Variants in TBC1D31 observed in about 807,000 individuals in gnomAD.
TBC1D31 encodes the protein WD repeat domain 67.
In TBC1D31, 99 loss-of-function variants were observed where a neutral mutation model predicts 132.9. That is an observed-to-expected ratio of 0.74 (90% CI 0.63 to 0.88). The LOEUF is 0.88. TBC1D31 is among the 40% of genes least tolerant of loss of function. The probability of loss-of-function intolerance (pLI) is 0.00; values close to 1 mark genes in which losing one functional copy is unlikely to be tolerated. For synonymous variants in TBC1D31, 385 were observed against 419.4 expected, an observed-to-expected ratio of 0.92 and a Z score of 1.00; for missense variants, 1,134 against 1,256.6, an observed-to-expected ratio of 0.90 and a Z score of 1.48.
Position 123,141,819 on chromosome 8 carries a change from G to A in TBC1D31, c.2641-443G>A, listed in dbSNP as rs181486171. 2.0e-3 allele frequency among the ~76,000 whole-genome samples: 204 copies of A among 103,882 alleles called. 1 individual carries two copies. The highest frequency in any genetic ancestry group is 7.1e-3 in the African/African-American group (199 of 27,904). The allele number at this position is 103,882 out of a possible 152,430, so 68.2% of individuals were successfully genotyped here. A position where few individuals can be genotyped will look rare whatever the true frequency, so the allele number is the denominator to read the frequency against. On this transcript the variant is annotated intron_variant, in intron 18 of 21. Transcript: ENST00000287380. ...AGCCGATAAGTTCTTAACCTTGGCT[G>A]TAAATTAGAGTCACTTGAAGAGCTC...
chr8:123,114,258 T>C (rs879405933), intron 10 of TBC1D31, among the ~76,000 whole-genome samples: 1 of 152,164 alleles, frequency 6.6e-6, no homozygotes, highest in Non-Finnish European at 1.5e-5. Context: ...TCTAGTTTTA[T>C]ATATGTTTGG....
At position 123,082,783 on chromosome 8, in the gene TBC1D31, A is replaced by G. The variant is rs1290428832; in HGVS notation, c.306A>G (p.Ala102=). 1 of 1,612,872 alleles carries G rather than the reference A, an allele frequency of 6.2e-7. No individual in the cohort carries two copies. The highest frequency in any genetic ancestry group is 1.3e-5 in the African/African-American group (1 of 74,942). The change falls in exon 3 of 22, where the codon GCA becomes GCG. Residue 102 remains alanine, a synonymous_variant. Coordinates refer to ENST00000287380, the MANE Select transcript of TBC1D31 (RefSeq NM_145647.4). The part of the protein sequence containing the change: ...NLRRKSEFLV[A]LADYSIKCFD... ...GTAGGAAATCTGAATTCCTTGTGGC[A>G]TTAGCTGATTATTCTATTAAATGTT...
intron 19 of TBC1D31, among the ~76,000 whole-genome samples, chr8:123,144,017 T>G (rs1389918536): frequency 6.6e-6 from 1 of 152,164 alleles, no homozygotes; most frequent in African/African-American, 2.4e-5. Context: ...CCCTCATCAG[T>G]AACATGAAAG....
chr8:123,080,886 T>C (rs1274823168), intron 2 of TBC1D31, among the ~76,000 whole-genome samples: 2 of 152,086 alleles, frequency 1.3e-5, no homozygotes, highest in African/African-American at 4.8e-5. Flanking sequence ...CTCAAAGTAA[T>C]CCTTATGCCA....
At chr8:123,157,384 G>A in the TBC1D31 span, among the ~76,000 whole-genome samples, 1 of 152,128 alleles carries the variant, frequency 6.6e-6, no homozygotes, top group South Asian at 2.1e-4. Flanking sequence ...TTTTACTGCT[G>A]CTGTAAATCC....
chr8:123,145,754 A>C (rs1159508325), intron 20 of TBC1D31, among the ~76,000 whole-genome samples: 1 of 151,724 alleles, frequency 6.6e-6, no homozygotes, highest in East Asian at 1.9e-4. Context: ...CTTTTATTTT[A>C]CTGTGTTTTA....
chr8:123,158,147 T>C, the TBC1D31 span, among the ~76,000 whole-genome samples: 1 of 151,670 alleles, frequency 6.6e-6, no homozygotes, highest in East Asian at 1.9e-4. Flanking sequence ...CTCCCAGCCC[T>C]TTATATAAGC....
In TBC1D31 at chr8:123,128,296, C is replaced by T. The variant is rs765740220; in HGVS notation, c.1900C>T (p.Arg634Trp). The change falls in exon 14 of 22, where the codon CGG becomes TGG. Residue 634 changes from arginine to tryptophan, a missense_variant. Arg to Trp is a moderately radical substitution (Grantham distance 101). Transcript: ENST00000287380. ...KDDFEFFFHH[R>W]NNLDINVVIR... ...TTTCTTACAGTTTTTTTTTCACCAT[C>T]GGAATAACCTGGATATAAATGTTGT... 77 of 1,585,424 alleles carry T rather than the reference C, an allele frequency of 4.9e-5. No individual in the cohort carries two copies. The highest frequency in any genetic ancestry group is 5.7e-5 in the Non-Finnish European group (66 of 1,162,872).
chr8:123,142,506 T>TTC, intron 19 of TBC1D31, 50 bp downstream of exon 19: 1 of 1,366,622 alleles, frequency 7.3e-7, no homozygotes, highest in Non-Finnish European at 9.6e-7. Flanking sequence ...GATTTTTTTT[T>TTC]TTTTTTTAAA....
intron 1 of TBC1D31, 127 bp from the exon 2 acceptor site, chr8:123,076,984 G>T: frequency 1.2e-6 from 1 of 805,178 alleles, no homozygotes; most frequent in Non-Finnish European, 1.9e-6. Flanking sequence ...TTCTAGAGGA[G>T]CGGGGGTATA....
chr8:123,119,139 A>G (rs1819233983), intron 10 of TBC1D31, among the ~76,000 whole-genome samples: 1 of 152,224 alleles, frequency 6.6e-6, no homozygotes, highest in Non-Finnish European at 1.5e-5. Flanking sequence ...TTTTTTAAAA[A>G]TCATTGATAA....
Position 123,093,663 on chromosome 8 carries a change from G to A in TBC1D31, c.592G>A (p.Asp198Asn), listed in dbSNP as rs752940779. 1.6e-5 allele frequency: 25 copies of A among 1,611,324 alleles called. No homozygotes were observed. In the South Asian group the frequency reaches 2.8e-4, roughly 18 times the overall value. ...KDNSIFAWEC[D>N]TLFCKYQLPA... ...TAATTCCATTTTTGCCTGGGAATGT[G>A]ACACACTTTTTTGCAAATATCAATT... The change falls in exon 5 of 22, where the codon GAC (aspartate) becomes AAC (asparagine). Residue 198 changes from aspartate (D) to asparagine (N), a missense_variant. Physicochemically the swap from Asp to Asn is conservative, Grantham distance 23. Transcript: ENST00000287380.
chr8:123,132,729 A>G (rs914479299), intron 16 of TBC1D31, among the ~76,000 whole-genome samples: 1 of 152,102 alleles, frequency 6.6e-6, no homozygotes, highest in African/African-American at 2.4e-5. Context: ...TTTTAATTCA[A>G]TAGTATTAGA....
the TBC1D31 span, among the ~76,000 whole-genome samples, chr8:123,161,819 C>A: frequency 6.6e-6 from 1 of 151,830 alleles, no homozygotes; most frequent in Non-Finnish European, 1.5e-5. Flanking sequence ...AAGTTTGAGA[C>A]CAGCCTGGCC....
intron 5 of TBC1D31, among the ~76,000 whole-genome samples, chr8:123,096,253 G>A (rs1192864944): frequency 2.0e-5 from 3 of 150,980 alleles, no homozygotes; most frequent in African/African-American, 4.9e-5. Flanking sequence ...CCTGGCCTAC[G>A]CCTCCCTCGC....
In TBC1D31 at chr8:123,072,805, C is replaced by G; in HGVS notation, c.36C>G (p.Gly12=). Residue 12 remains glycine (G), a synonymous_variant, in exon 1 of 22, where the codon GGC becomes GGG. Transcript: ENST00000287380. ...CTGACCTAGGCAACAAGGAGAGCGG[C>G]AAGATATGGCACCGCAAGCCGTCCC... is the stretch of plus-strand genomic sequence containing the variant. ...QSTDLGNKES[G]KIWHRKPSPA... is the part of the protein sequence containing the mutation. 1.3e-6 allele frequency: 2 copies of G among 1,574,340 alleles called. No individual in the cohort carries two copies. The highest frequency in any genetic ancestry group is 1.7e-6 in the Non-Finnish European group (2 of 1,160,466).
Position 123,097,430 on chromosome 8 carries a change from G to T in TBC1D31, c.820G>T (p.Gly274Cys). ...ATTTCTTCCTGATAGTTTTGATGCT[G>T]GTTCTAATCAGGTTAGTAACATAAA... ...LEFLPDSFDA[G>C]SNQVLGVLSQ... Residue 274 changes from glycine (G) to cysteine (C), a missense_variant, in exon 6 of 22, where the codon GGT (glycine) becomes TGT (cysteine). Coordinates refer to ENST00000287380, the MANE Select transcript of TBC1D31 (RefSeq NM_145647.4). 1.9e-6 allele frequency: 3 copies of T among 1,614,034 alleles called. No individual in the cohort carries two copies. Among genetic ancestry groups the T allele is most frequent in the Non-Finnish European group, 2.5e-6 (3 of 1,180,016 alleles).
intron 7 of TBC1D31, 173 bp downstream of exon 7, chr8:123,101,180 G>A (rs893208114): frequency 3.1e-5 from 16 of 522,968 alleles, no homozygotes; most frequent in African/African-American, 2.3e-4. Flanking sequence ...GATTTCTCAC[G>A]TATGCTCCAT....
the TBC1D31 span, among the ~76,000 whole-genome samples, chr8:123,157,159 A>G: frequency 1.3e-5 from 2 of 151,614 alleles, no homozygotes; most frequent in African/African-American, 4.9e-5. Flanking sequence ...CCTTGTTGTC[A>G]CCCCCGGACT....
Sources: allele counts gnomAD v4.1 joint callset (sites outside exome capture counted in the v4.1 genomes callset), GRCh38; gene constraint gnomAD v4.1.1; transcripts MANE v1.5; gene names NCBI Gene and HGNC (gene_info 2026-07-23, HGNC 2026-07-21).